Variants in PCDHA3 observed in about 807,000 individuals in gnomAD.
The protein encoded by PCDHA3 is protocadherin alpha-3.
In PCDHA3, 41 loss-of-function variants were observed where a neutral mutation model predicts 62.2. The observed-to-expected ratio is 0.66, with a 90% CI of 0.51 to 0.86. The LOEUF is 0.86. PCDHA3 is among the 40% of genes least tolerant of loss of function. PCDHA3 has a pLI of 0.00. For missense variants in PCDHA3, 1,304 were observed against 1,241.2 expected, an observed-to-expected ratio of 1.05 and a Z score of -0.76; for synonymous variants, 640 against 555.4, an observed-to-expected ratio of 1.15 and a Z score of -2.14.
chr5:140,830,449 G>A (rs138463634), intron 1 of PCDHA3: 9 of 1,596,848 alleles, frequency 5.6e-6, no homozygotes, highest in East Asian at 4.5e-5. Context: ...TGGGTAAGGC[G>A]GAGAATCAGG....
chr5:140,822,283 A>G (rs1767257556), intron 1 of PCDHA3: 1 of 1,614,254 alleles, frequency 6.2e-7, no homozygotes, highest in Non-Finnish European at 8.5e-7. Context: ...ATTGAGATAC[A>G]GGTTAAATCC....
intron 1 of PCDHA3, chr5:140,865,687 A>G (rs924237080): frequency 3.3e-5 from 5 of 152,204 alleles, no homozygotes; most frequent in African/African-American, 1.2e-4. Flanking sequence ...AGTACATATG[A>G]CTGTTCCAAT....
chr5:140,965,527 A>G (rs2095909626), intron 1 of PCDHA3, among the ~76,000 whole-genome samples: 1 of 151,946 alleles, frequency 6.6e-6, no homozygotes, highest in Non-Finnish European at 1.5e-5. Flanking sequence ...CAAAGCATTA[A>G]TGGAATCCAA....
At chr5:140,855,112 C>T (rs2043341257) in intron 1 of PCDHA3, among the ~76,000 whole-genome samples, 1 of 149,738 alleles carries the variant, frequency 6.7e-6, no homozygotes, top group South Asian at 2.1e-4. Flanking sequence ...ATAATTAAGG[C>T]ATTCTATAGG....
At chr5:141,000,095 T>G (rs1299354306) in intron 3 of PCDHA3, among the ~76,000 whole-genome samples, 1 of 152,044 alleles carries the variant, frequency 6.6e-6, no homozygotes, top group Non-Finnish European at 1.5e-5. Flanking sequence ...TGAATGGAGC[T>G]CAACTCCGTC....
chr5:141,011,085 T>C lies in PCDHA3; in HGVS notation c.*1148T>C, dbSNP rs2098419298. The C allele has an allele frequency of 6.5e-6, 1 of 153,776 alleles. No homozygotes were observed. Among genetic ancestry groups the C allele is most frequent in the Non-Finnish European group, 1.5e-5 (1 of 68,046 alleles). The allele number at this position is 153,776 out of a possible 1,614,324, so 9.5% of individuals were successfully genotyped here. A position where few individuals can be genotyped will look rare whatever the true frequency, so the allele number is the denominator to read the frequency against. ...ATGTATTACTAAATAAAATGATCTC[T>C]CTTTCTCTCTCTCTCTCTCTTTTCT... On this transcript the variant is annotated 3_prime_UTR_variant, in exon 4 of 4. Transcript: ENST00000522353.
chr5:140,928,974 A>G (rs772759035), intron 1 of PCDHA3: 2 of 1,613,574 alleles, frequency 1.2e-6, no homozygotes, highest in Non-Finnish European at 1.7e-6. Flanking sequence ...TTTCCTTTTT[A>G]TTTCTGGGGT....
chr5:140,914,042 T>C (rs2076573370), intron 1 of PCDHA3, among the ~76,000 whole-genome samples: 1 of 152,222 alleles, frequency 6.6e-6, no homozygotes, highest in South Asian at 2.1e-4. Context: ...AGAATGTGTA[T>C]TCTGCAGCTG....
At chr5:140,993,137 A>G (rs1336525759) in intron 3 of PCDHA3, among the ~76,000 whole-genome samples, 12 of 152,212 alleles carry the variant, frequency 7.9e-5, no homozygotes, top group African/African-American at 2.7e-4. Flanking sequence ...CTGTTGCAAC[A>G]AGTATAAATG....
intron 1 of PCDHA3, chr5:140,823,662 G>C: frequency 1.9e-6 from 3 of 1,614,064 alleles, no homozygotes; most frequent in Non-Finnish European, 2.5e-6. Flanking sequence ...ACACAGGCGA[G>C]ATCAGCACAA....
chr5:140,851,049 T>G (rs114642351), intron 1 of PCDHA3: 1 of 1,386,514 alleles, frequency 7.2e-7, no homozygotes, highest in African/African-American at 1.5e-5. Flanking sequence ...GAGCCGACTT[T>G]GTCTTGACTT....
At chr5:141,002,052 G>GGCA (rs1217531547) in intron 3 of PCDHA3, among the ~76,000 whole-genome samples, 1 of 152,206 alleles carries the variant, frequency 6.6e-6, no homozygotes, top group Non-Finnish European at 1.5e-5. Flanking sequence ...GGCATCCAGA[G>GGCA]GCAGCAGCAG....
chr5:140,808,616 G>A (rs549483688), intron 1 of PCDHA3: 1 of 1,613,788 alleles, frequency 6.2e-7, no homozygotes, highest in South Asian at 1.1e-5. Context: ...CATCTTCACT[G>A]TGTCTGCGTG....
chr5:140,932,583 G>A (rs1007147257), intron 1 of PCDHA3, among the ~76,000 whole-genome samples: 29 of 151,810 alleles, frequency 1.9e-4, no homozygotes, highest in Admixed American at 1.8e-3. Flanking sequence ...AGGGTAATTA[G>A]ATGTTTTGTA....
At chr5:140,819,251 A>ATATC (rs1554127623) in intron 1 of PCDHA3, among the ~76,000 whole-genome samples, 3 of 152,188 alleles carry the variant, frequency 2.0e-5, no homozygotes, top group African/African-American at 7.2e-5. Context: ...GCAATCTGGT[A>ATATC]TATCTATATA....
chr5:140,887,857 G>A lies in PCDHA3; in HGVS notation c.2394+84266G>A, dbSNP rs139840938. Among the ~76,000 whole-genome samples the A allele has an allele frequency of 2.6e-3, 395 of 152,084 alleles. 2 individuals carry two copies. The highest frequency in any genetic ancestry group is 9.3e-3 in the African/African-American group (384 of 41,488). ...TATCTTTTATTGACATATTTTCCAAGTTCACTAATTTTTCCTTTTGTAGTA... is the reference window on the plus strand; with the variant it reads ...TATCTTTTATTGACATATTTTCCAAATTCACTAATTTTTCCTTTTGTAGTA... On this transcript the variant is annotated intron_variant, in intron 1 of 3. Coordinates refer to ENST00000522353, the MANE Select transcript of PCDHA3 (RefSeq NM_018906.3).
intron 1 of PCDHA3, chr5:140,966,548 A>G (rs2096020413): frequency 2.1e-6 from 1 of 465,426 alleles, no homozygotes; most frequent in Admixed American, 4.3e-5. Flanking sequence ...CTCGGAGGCG[A>G]GCGGAGGAGC....
Position 140,803,277 on chromosome 5 carries a change from G to T in PCDHA3, c.2080G>T (p.Val694Leu). Reference protein sequence around the residue: ...AGATGPEAALVDVNVYLIVAI... With the variant: ...AGATGPEAALLDVNVYLIVAI... Reference sequence around the variant, plus strand: ...CGCCACGGGCCCGGAAGCTGCACTGGTGGATGTCAACGTGTACTTGATCGT... The same window carrying T: ...CGCCACGGGCCCGGAAGCTGCACTGTTGGATGTCAACGTGTACTTGATCGT... The change falls in exon 1 of 4, where the codon GTG (valine) becomes TTG (leucine). Residue 694 changes from valine to leucine, a missense_variant. Transcript: ENST00000522353. The T allele has an allele frequency of 2.5e-6, 4 of 1,614,046 alleles. No individual in the cohort carries two copies. The highest frequency in any genetic ancestry group is 3.4e-6 in the Non-Finnish European group (4 of 1,179,984).
chr5:140,803,042 C>T lies in PCDHA3; in HGVS notation c.1845C>T (p.Thr615=), dbSNP rs373825257. ...TTTCGTATGAGCTGCAGCCTGGGAC[C>T]GGCGGTGCGCGCATCCCGTTTCGCG... The part of the protein sequence containing the change: ...AWLSYELQPG[T]GGARIPFRVG... The change falls in exon 1 of 4, where the codon ACC becomes ACT. Residue 615 remains threonine, a synonymous_variant. Coordinates refer to ENST00000522353, the MANE Select transcript of PCDHA3 (RefSeq NM_018906.3). 3.7e-6 allele frequency: 6 copies of T among 1,614,004 alleles called. No homozygotes were observed. The Admixed American group carries it at 6.7e-5, about 18-fold the overall frequency.
Sources: allele counts gnomAD v4.1 joint callset (sites outside exome capture counted in the v4.1 genomes callset), GRCh38; gene constraint gnomAD v4.1.1; transcripts MANE v1.5; gene names NCBI Gene and HGNC (gene_info 2026-07-23, HGNC 2026-07-21).